Variants in ARFGEF1 observed in about 807,000 individuals in gnomAD.
ARFGEF1 encodes the protein brefeldin A-inhibited guanine nucleotide-exchange protein 1.
ARFGEF1 carries 42 observed loss-of-function variants against 231.0 expected under a neutral mutation model. The ratio of observed to expected loss-of-function variants is 0.18; its 90% CI spans 0.14 to 0.24. The LOEUF (loss-of-function observed/expected upper bound fraction) is 0.24, where lower values mean the gene tolerates loss of function less well. Ranked by LOEUF, ARFGEF1 falls within the 10% of genes least tolerant of loss-of-function variation. The probability of loss-of-function intolerance (pLI) is 1.00; values close to 1 mark genes in which losing one functional copy is unlikely to be tolerated. For synonymous variants in ARFGEF1, 710 were observed against 732.3 expected, an observed-to-expected ratio of 0.97 and a Z score of 0.49; for missense variants, 1,345 against 2,192.0, an observed-to-expected ratio of 0.61 and a Z score of 7.72.
chr8:67,208,736 AC>A (rs1405284280), intron 34 of ARFGEF1, among the ~76,000 whole-genome samples: 1 of 152,200 alleles, frequency 6.6e-6, no homozygotes, highest in East Asian at 1.9e-4. Context: ...GGCATGACTA[AC>A]AAAAGGAAAC....
rs368156041 is a variant in ARFGEF1 at position 67,211,989 on chromosome 8, T to C, written c.4687-374A>G. 2.2e-4 allele frequency among the ~76,000 whole-genome samples: 34 copies of C among 152,326 alleles called. 1 individual carries two copies. The East Asian group carries it at 2.3e-3, about 10-fold the overall frequency. ...TGGACCCAGGGACTAGAAAGGTCAA[T>C]GTGAAGGTGACTATCTAGGAGTGTC... On this transcript the variant is annotated intron_variant, in intron 33 of 38. Coordinates refer to ENST00000262215, the MANE Select transcript of ARFGEF1 (RefSeq NM_006421.5).
At chr8:67,219,281 T>C in intron 30 of ARFGEF1, 150 bp downstream of exon 30, 1 of 885,264 alleles carries the variant, frequency 1.1e-6, no homozygotes. Flanking sequence ...TTCTTATTTA[T>C]AAAGACATAG....
At chr8:67,205,781 C>G (rs1328420084) in intron 34 of ARFGEF1, among the ~76,000 whole-genome samples, 1 of 151,824 alleles carries the variant, frequency 6.6e-6, no homozygotes, top group Non-Finnish European at 1.5e-5. Context: ...TTGCTGGAAC[C>G]CAGGAGGCAG....
chr8:67,199,398 CTA>C, intron 38 of ARFGEF1: 1 of 247,784 alleles, frequency 4.0e-6, no homozygotes, highest in Non-Finnish European at 7.6e-6. Flanking sequence ...TGAGTACAAA[CTA>C]GAGTTGAGAT....
intron 1 of ARFGEF1, among the ~76,000 whole-genome samples, chr8:67,321,682 G>A (rs868383317): frequency 6.6e-6 from 1 of 151,430 alleles, no homozygotes; most frequent in Non-Finnish European, 1.5e-5. Flanking sequence ...AGATGGTCTC[G>A]ATCTCCTGAC....
rs1563834672 is a variant in ARFGEF1, at chr8:67,204,830, A to C, written c.4820-11T>G. 1.2e-6 allele frequency: 2 copies of C among 1,600,196 alleles called. No individual in the cohort carries two copies. The highest frequency in any genetic ancestry group is 8.5e-7 in the Non-Finnish European group (1 of 1,172,588). Reference sequence around the variant, plus strand: ...TTTGTTCTGGAAATTCTGTGAGGAAACCCCCCCCAATGCACATGCAAACAA... The same window carrying C: ...TTTGTTCTGGAAATTCTGTGAGGAACCCCCCCCCAATGCACATGCAAACAA... On this transcript the variant is annotated splice_polypyrimidine_tract_variant and intron_variant, in intron 34 of 38. Transcript: ENST00000262215.
intron 1 of ARFGEF1, among the ~76,000 whole-genome samples, chr8:67,342,907 C>G (rs527271851): frequency 4.6e-4 from 70 of 152,254 alleles, no homozygotes; most frequent in African/African-American, 1.7e-3. Context: ...ATCCCTCGAA[C>G]CCAGGTGCCC....
chr8:67,307,974 C>T (rs978988792), intron 1 of ARFGEF1, among the ~76,000 whole-genome samples: 4 of 152,224 alleles, frequency 2.6e-5, no homozygotes, highest in Admixed American at 2.0e-4. Flanking sequence ...CAGGCACCCC[C>T]TCTTGGAGCC....
intron 34 of ARFGEF1, among the ~76,000 whole-genome samples, chr8:67,208,256 G>T (rs1838590694): frequency 6.6e-6 from 1 of 152,120 alleles, no homozygotes. Flanking sequence ...ATGAAGAACT[G>T]TAAGCATCTA....
In ARFGEF1 at chr8:67,343,346, A is replaced by G. The variant is rs933706721; in HGVS notation, c.-59T>C. 6.8e-7 allele frequency: 1 copy of G among 1,475,476 alleles called. No homozygotes were observed. Among genetic ancestry groups the G allele is most frequent in the Non-Finnish European group, 9.1e-7 (1 of 1,094,990 alleles). The allele number at this position is 1,475,476 out of a possible 1,614,324, so 91.4% of individuals were successfully genotyped here. ...CCGCGGCTCCCAGCGGCTGGAGGGGAGGAGGAGGAGAGGAAGGAAGAGAAG... is the reference window on the plus strand; with the variant it reads ...CCGCGGCTCCCAGCGGCTGGAGGGGGGGAGGAGGAGAGGAAGGAAGAGAAG... On this transcript the variant is annotated 5_prime_UTR_variant, in exon 1 of 39. Transcript: ENST00000262215.
chr8:67,184,744 T>TATAATA (rs377423199), intron 5 of ARFGEF1, among the ~76,000 whole-genome samples: 100 of 142,510 alleles, frequency 7.0e-4, no homozygotes, highest in South Asian at 2.0e-3. Context: ...AATAAAAAAA[T>TATAATA]ATAATAATAA....
chr8:67,215,707 A>T (rs954699140), intron 33 of ARFGEF1, among the ~76,000 whole-genome samples: 2 of 152,152 alleles, frequency 1.3e-5, no homozygotes, highest in African/African-American at 2.4e-5. Flanking sequence ...TCTCCCTTAG[A>T]GCCTTTGGAG....
intron 5 of ARFGEF1, among the ~76,000 whole-genome samples, chr8:67,295,138 G>A (rs1178904293): frequency 6.6e-6 from 1 of 152,018 alleles, no homozygotes; most frequent in African/African-American, 2.4e-5. Flanking sequence ...TAAGGGAGGA[G>A]AAATTCAATT....
chr8:67,238,303 A>C, intron 22 of ARFGEF1, 40 bp downstream of exon 22: 1 of 1,545,078 alleles, frequency 6.5e-7, no homozygotes. Flanking sequence ...TATAATGAGG[A>C]AGTTAAAAAC....
chr8:67,267,658 T>C (rs1804903117), intron 10 of ARFGEF1, among the ~76,000 whole-genome samples: 1 of 152,186 alleles, frequency 6.6e-6, no homozygotes, highest in Non-Finnish European at 1.5e-5. Flanking sequence ...CAATTCACAT[T>C]GATGTGTTTT....
downstream of ARFGEF1, chr8:67,174,925 A>T: frequency 5.3e-6 from 1 of 188,556 alleles, no homozygotes; most frequent in South Asian, 1.2e-4. Context: ...CCGTGATTAC[A>T]GTGTCTCATG....
At chr8:67,317,290 C>T (rs577913894) in intron 1 of ARFGEF1, among the ~76,000 whole-genome samples, 1 of 152,082 alleles carries the variant, frequency 6.6e-6, no homozygotes, top group South Asian at 2.1e-4. Context: ...TAACAGGAAC[C>T]CCTGAATTTG....
rs61753696 is a variant in ARFGEF1 at position 67,301,242 on chromosome 8, T to C, written c.294A>G (p.Thr98=). The C allele has an allele frequency of 6.2e-7, 1 of 1,612,378 alleles. No homozygotes were observed. Among genetic ancestry groups the C allele is most frequent in the South Asian group, 1.1e-5 (1 of 90,672 alleles). The change falls in exon 3 of 39, where the codon ACA becomes ACG. Residue 98 remains threonine, a synonymous_variant. Transcript: ENST00000262215. ...GACATACCTGTAAGCAATCTAGAGA[T>C]GTACTAACTATGCGAGGACATTTGG... ...CQSKCPRIVS[T]SLDCLQKLIA... is the part of the protein sequence containing the mutation.
intron 7 of ARFGEF1, among the ~76,000 whole-genome samples, chr8:67,283,865 A>G (rs917907126): frequency 2.0e-5 from 3 of 152,226 alleles, no homozygotes; most frequent in Admixed American, 6.5e-5. Flanking sequence ...AGGCACTCTC[A>G]TACATTAATG....
Sources: allele counts gnomAD v4.1 joint callset (sites outside exome capture counted in the v4.1 genomes callset), GRCh38; gene constraint gnomAD v4.1.1; transcripts MANE v1.5; gene names NCBI Gene and HGNC (gene_info 2026-07-23, HGNC 2026-07-21).